Variants in KCNN2 observed in about 807,000 individuals in gnomAD.
KCNN2 encodes potassium calcium-activated channel subfamily N member 2, also known as small conductance calcium-activated potassium channel protein 2.
Under a neutral mutation model 55.5 loss-of-function variants are expected in KCNN2, and 24 were observed. The observed-to-expected ratio is 0.43, with a 90% CI of 0.31 to 0.61. The LOEUF is 0.61. KCNN2 is among the 20% of genes least tolerant of loss of function. The pLI, the probability that KCNN2 is intolerant of heterozygous loss-of-function variation, is 0.08. For missense variants in KCNN2, 754 were observed against 853.6 expected, an observed-to-expected ratio of 0.88 and a Z score of 1.45; for synonymous variants, 431 against 336.1, an observed-to-expected ratio of 1.28 and a Z score of -3.09.
chr5:114,487,147 A>T lies in KCNN2; in HGVS notation c.1988A>T (p.His663Leu). ...KKIDHAKVRK[H>L]QRKFLQAIHQ... ...ATAGATCATGCAAAAGTAAGAAAAC[A>T]TCAACGAAAATTCCTGCAAGCTATT... The change falls in exon 6 of 8, where the codon CAT (histidine) becomes CTT (leucine). Residue 663 changes from histidine (H) to leucine (L), a missense_variant. His to Leu is a moderately conservative substitution (Grantham distance 99). Transcript: ENST00000673685. 6.2e-7 allele frequency: 1 copy of T among 1,613,086 alleles called. No individual in the cohort carries two copies. The highest frequency in any genetic ancestry group is 8.5e-7 in the Non-Finnish European group (1 of 1,179,302).
chr5:114,190,063 T>G (rs1302846685), intron 1 of KCNN2, among the ~76,000 whole-genome samples: 2 of 152,080 alleles, frequency 1.3e-5, no homozygotes, highest in Non-Finnish European at 2.9e-5. Context: ...AATAAAAAAT[T>G]GATAATTTGG....
chr5:114,406,623 T>C (rs1238209606), intron 3 of KCNN2, among the ~76,000 whole-genome samples: 1 of 152,038 alleles, frequency 6.6e-6, no homozygotes, highest in Non-Finnish European at 1.5e-5. Context: ...CTCTAAATTC[T>C]CTCACATTAT....
At chr5:114,085,686 C>T (rs1020119237) in intron 1 of KCNN2, among the ~76,000 whole-genome samples, 2 of 151,892 alleles carry the variant, frequency 1.3e-5, no homozygotes, top group African/African-American at 2.4e-5. Context: ...GTAAATGTTT[C>T]GAGTGCACTT....
intron 1 of KCNN2, among the ~76,000 whole-genome samples, chr5:114,161,249 C>G (rs1019340179): frequency 2.6e-5 from 4 of 152,098 alleles, no homozygotes; most frequent in African/African-American, 9.7e-5. Flanking sequence ...TTTATTTCTG[C>G]TTCACTTATG....
At chr5:114,067,822 A>G (rs1750482812) in intron 1 of KCNN2, among the ~76,000 whole-genome samples, 1 of 152,224 alleles carries the variant, frequency 6.6e-6, no homozygotes, top group Non-Finnish European at 1.5e-5. Flanking sequence ...CTATATTGTT[A>G]GCCTTCACTT....
chr5:114,492,616 G>A (rs930257012), intron 6 of KCNN2, among the ~76,000 whole-genome samples: 7 of 151,894 alleles, frequency 4.6e-5, no homozygotes, highest in African/African-American at 7.3e-5. Context: ...TTTTAATACC[G>A]TTTTTTGACT....
At position 114,222,635 on chromosome 5, in the gene KCNN2, G is replaced by T. The variant is rs114327067; in HGVS notation, c.-185+1070G>T. 2.8e-3 allele frequency among the ~76,000 whole-genome samples: 433 copies of T among 152,144 alleles called. 2 individuals are homozygous for T. Among genetic ancestry groups the T allele is most frequent in the African/African-American group, 1.0e-2 (415 of 41,508 alleles). ...TCAATTCTTCCTCAATTAAGCTGTG[G>T]GTATGGCACAATTTCAGCGCAGGGA... On this transcript the variant is annotated intron_variant, in intron 2 of 10. Coordinates refer to the KCNN2 transcript ENST00000512097.
intron 1 of KCNN2, among the ~76,000 whole-genome samples, chr5:114,125,280 G>A (rs1751907563): frequency 6.6e-6 from 1 of 152,220 alleles, no homozygotes; most frequent in Non-Finnish European, 1.5e-5. Flanking sequence ...ATGAAACTGT[G>A]TAGCACTTTT....
chr5:114,143,431 T>G (rs1752330348), intron 1 of KCNN2, among the ~76,000 whole-genome samples: 1 of 152,096 alleles, frequency 6.6e-6, no homozygotes, highest in Non-Finnish European at 1.5e-5. Flanking sequence ...AGACAACCGG[T>G]TAGACCAAAA....
chr5:114,082,637 A>G (rs1750850647), intron 1 of KCNN2, among the ~76,000 whole-genome samples: 2 of 152,228 alleles, frequency 1.3e-5, no homozygotes, highest in African/African-American at 2.4e-5. Context: ...TTATAACAGC[A>G]TTATTCACAA....
intron 3 of KCNN2, among the ~76,000 whole-genome samples, chr5:114,434,273 C>T (rs1342426128): frequency 6.6e-6 from 1 of 151,996 alleles, no homozygotes. Flanking sequence ...CTCATAAGCC[C>T]ATCAAGACAT....
intron 1 of KCNN2, among the ~76,000 whole-genome samples, chr5:114,070,058 T>C (rs558612632): frequency 6.6e-6 from 1 of 152,372 alleles, no homozygotes; most frequent in African/African-American, 2.4e-5. Flanking sequence ...ATTTTCACTA[T>C]GTTACTGCTG....
At chr5:114,196,226 G>T (rs188433563) in intron 1 of KCNN2, among the ~76,000 whole-genome samples, 1 of 151,784 alleles carries the variant, frequency 6.6e-6, no homozygotes. Context: ...ACTTGGAAAT[G>T]GTGTATACTG....
chr5:114,386,441 A>T (rs1400723273), intron 2 of KCNN2, among the ~76,000 whole-genome samples: 1 of 152,202 alleles, frequency 6.6e-6, no homozygotes, highest in African/African-American at 2.4e-5. Context: ...TTTATAATGG[A>T]TATAACCAGT....
At chr5:114,493,358 C>A in intron 6 of KCNN2, 45 bp from the exon 7 acceptor site, 1 of 1,183,852 alleles carries the variant, frequency 8.4e-7, no homozygotes, top group Non-Finnish European at 1.3e-6. Flanking sequence ...ATAAGATTGC[C>A]ATAGGAAGAA....
intron 1 of KCNN2, among the ~76,000 whole-genome samples, chr5:114,173,885 A>G (rs1382228557): frequency 2.0e-5 from 3 of 152,032 alleles, no homozygotes; most frequent in Non-Finnish European, 4.4e-5. Flanking sequence ...CAGATTCACT[A>G]AAAATTTAGT....
Position 114,487,163 on chromosome 5 carries a change from G to T in KCNN2, c.2004G>T (p.Leu668=). The stretch of plus-strand genomic sequence containing the variant: ...TAAGAAAACATCAACGAAAATTCCT[G>T]CAAGCTATTCATCAGTAAGTATCAT... ...AKVRKHQRKF[L]QAIHQLRSVK... Residue 668 remains leucine (L), a synonymous_variant, in exon 6 of 8, where the codon CTG becomes CTT. Coordinates refer to ENST00000673685, the MANE Select transcript of KCNN2 (RefSeq NM_021614.4). 2 of 1,612,836 alleles carry T rather than the reference G, an allele frequency of 1.2e-6. No homozygotes were observed. The highest frequency in any genetic ancestry group is 1.7e-6 in the Non-Finnish European group (2 of 1,179,166).
At chr5:114,174,758 C>T (rs1335049011) in intron 1 of KCNN2, among the ~76,000 whole-genome samples, 1 of 152,256 alleles carries the variant, frequency 6.6e-6, no homozygotes, top group East Asian at 1.9e-4. Flanking sequence ...AGGCCTGCTT[C>T]CTCAGGTATG....
At chr5:114,432,533 C>A (rs1393558080) in intron 3 of KCNN2, among the ~76,000 whole-genome samples, 1 of 152,170 alleles carries the variant, frequency 6.6e-6, no homozygotes, top group Non-Finnish European at 1.5e-5. Context: ...GTCCTCACAG[C>A]CCTCGCTCGC....
Sources: allele counts gnomAD v4.1 joint callset (sites outside exome capture counted in the v4.1 genomes callset), GRCh38; gene constraint gnomAD v4.1.1; transcripts MANE v1.5; gene names NCBI Gene and HGNC (gene_info 2026-07-23, HGNC 2026-07-21).